The following SPANXN4 variants were observed in gnomAD, a reference collection of about 807,000 sequenced individuals.
SPANXN4 encodes the protein SPANX family member N4.
A neutral mutation model predicts 6.0 loss-of-function variants in SPANXN4; 5 were observed. That is an observed-to-expected ratio of 0.83 (90% CI 0.44 to 1.75). The LOEUF is 1.75. SPANXN4 is among the 40% of genes most tolerant of loss of function. SPANXN4 has a pLI of 0.02. For synonymous variants in SPANXN4, 45 were observed against 38.0 expected (o/e 1.19, Z -0.68); for missense variants, 157 against 108.6 (o/e 1.45, Z -1.98).
intron 1 of SPANXN4, among the ~76,000 whole-genome samples, chrX:143,026,768 C>G (rs1049518930): frequency 9.0e-6 from 1 of 110,515 alleles, no homozygotes; most frequent in African/African-American, 3.3e-5. Context: ...GGGAGTTTAG[C>G]TTTAGGGAGA....
chrX:143,037,657 A>G (rs1034150345), downstream of SPANXN4, among the ~76,000 whole-genome samples: 1 of 111,612 alleles, frequency 9.0e-6, no homozygotes. Flanking sequence ...CTCGTCTTGA[A>G]TTATAATTCC....
At chrX:143,032,866 A>C in intron 1 of SPANXN4, among the ~76,000 whole-genome samples, 1 of 110,837 alleles carries the variant, frequency 9.0e-6, no homozygotes, top group Non-Finnish European at 1.9e-5. Context: ...GTGACTACCC[A>C]ATTCCTCCCA....
At chrX:143,032,346 C>T (rs1309102138) in intron 1 of SPANXN4, among the ~76,000 whole-genome samples, 1 of 110,335 alleles carries the variant, frequency 9.1e-6, no homozygotes, top group East Asian at 2.9e-4. Flanking sequence ...GCCTGGTTTT[C>T]AGCACTAGGG....
At chrX:143,035,563 T>C (rs1043139627), downstream of SPANXN4, among the ~76,000 whole-genome samples, 17 of 111,234 alleles carry the variant, frequency 1.5e-4, no homozygotes, top group African/African-American at 4.9e-4. Context: ...GATTACATTT[T>C]CTTTCAAGTG....
rs1478056873 is a variant in SPANXN4, at chrX:143,026,077, A to C, written c.63A>C (p.Lys21Asn). The C allele has an allele frequency of 2.5e-6, 3 of 1,207,633 alleles. No individual in the cohort carries two copies. The East Asian group carries it at 8.9e-5, about 36-fold the overall frequency. ...TGAAGAGCCCCTGTGAATCTAACAAAAGAAAAGTTGACAAGGTCAGATTGT... is the reference window on the plus strand; with the variant it reads ...TGAAGAGCCCCTGTGAATCTAACAACAGAAAAGTTGACAAGGTCAGATTGT... The change falls in exon 1 of 3, where the codon AAA (lysine) becomes AAC (asparagine). Residue 21 changes from lysine (K) to asparagine (N), a missense_variant. Physicochemically the swap from Lys to Asn is moderately conservative, Grantham distance 94. Transcript: ENST00000370504.
intron 1 of SPANXN4, among the ~76,000 whole-genome samples, chrX:143,027,029 G>T (rs956520098): frequency 3.6e-4 from 40 of 112,034 alleles, no homozygotes; most frequent in African/African-American, 1.3e-3. Flanking sequence ...TGAAACACAA[G>T]GGTGCATGTT....
At chrX:143,033,605 C>G (rs760688327) in intron 1 of SPANXN4, among the ~76,000 whole-genome samples, 1 of 111,497 alleles carries the variant, frequency 9.0e-6, no homozygotes, top group Non-Finnish European at 1.9e-5. Context: ...ATAAGATATT[C>G]TTATGATCAG....
At chrX:143,034,372 G>A in intron 2 of SPANXN4, 61 bp downstream of exon 2, 3 of 1,043,788 alleles carry the variant, frequency 2.9e-6, no homozygotes, top group East Asian at 3.3e-5. Flanking sequence ...GGAAAAGATA[G>A]GCATTTGAGA....
exon 1 of SPANXN4, chrX:143,026,028 C>A (rs1391630881): frequency 8.3e-7 from 1 of 1,209,022 alleles, no homozygotes. Context: ...GAAGAGCCAA[C>A]TTCCAGCACC....
chrX:143,032,469 G>A (rs752830937), intron 1 of SPANXN4, among the ~76,000 whole-genome samples: 1 of 110,000 alleles, frequency 9.1e-6, no homozygotes, highest in East Asian at 2.9e-4. Flanking sequence ...GATGTTGGGA[G>A]GGGGACTGAG....
intron 1 of SPANXN4, among the ~76,000 whole-genome samples, chrX:143,033,257 C>T (rs765289825): frequency 3.6e-5 from 4 of 110,792 alleles, no homozygotes; most frequent in East Asian, 5.7e-4. Flanking sequence ...ATAAGGAGAA[C>T]GGGGCTGGGA....
intron 1 of SPANXN4, among the ~76,000 whole-genome samples, chrX:143,033,705 G>A (rs1290071859): frequency 8.9e-6 from 1 of 111,933 alleles, no homozygotes; most frequent in Non-Finnish European, 1.9e-5. Context: ...TCTTAGTTGG[G>A]CCTTTGTCCA....
downstream of SPANXN4, among the ~76,000 whole-genome samples, chrX:143,037,134 G>A (rs945507823): frequency 1.8e-5 from 2 of 110,405 alleles, no homozygotes; most frequent in Non-Finnish European, 3.8e-5. Flanking sequence ...CACATTCAAG[G>A]TACTCTTTTT....
downstream of SPANXN4, among the ~76,000 whole-genome samples, chrX:143,035,547 C>T (rs1211834395): frequency 1.8e-5 from 2 of 110,064 alleles, no homozygotes; most frequent in African/African-American, 6.6e-5. Context: ...TTAATTTATA[C>T]CTTAGGATTA....
At position 143,034,368 on chromosome X, in the gene SPANXN4, G is replaced by T. The variant is rs1057045087; in HGVS notation, c.283+136G>T. On this transcript the variant is annotated intron_variant, in intron 2 of 2. Coordinates refer to ENST00000370504, the Ensembl canonical transcript of SPANXN4. ...TGGTGGGGAGGAAGGGAAGGGAAAAGATAGGCATTTGAGAACGGAGGGATA... is the reference window on the plus strand; with the variant it reads ...TGGTGGGGAGGAAGGGAAGGGAAAATATAGGCATTTGAGAACGGAGGGATA... 43 of 1,041,259 alleles carry T rather than the reference G, an allele frequency of 4.1e-5. No individual in the cohort carries two copies. In the Middle Eastern group the frequency reaches 1.5e-3, roughly 36 times the overall value. 85.8% of individuals were successfully genotyped at this position (1,041,259 alleles called of 1,213,427 possible). A position where few individuals can be genotyped will look rare whatever the true frequency, so the allele number is the denominator to read the frequency against.
Position 143,026,098 on chromosome X carries a change from A to G in SPANXN4, c.78+6A>G. ...ACAAAAGAAAAGTTGACAAGGTCAGATTGTTAGGTTTTGAAGGGAAGGTGA... is the reference window on the plus strand; with the variant it reads ...ACAAAAGAAAAGTTGACAAGGTCAGGTTGTTAGGTTTTGAAGGGAAGGTGA... On this transcript the variant is annotated splice_donor_region_variant and intron_variant, in intron 1 of 2. Coordinates refer to ENST00000370504, the Ensembl canonical transcript of SPANXN4. 2 of 1,201,394 alleles carry G rather than the reference A, an allele frequency of 1.7e-6. No individual in the cohort carries two copies. The highest frequency in any genetic ancestry group is 2.2e-6 in the Non-Finnish European group (2 of 889,576).
chrX:143,026,189 T>A, intron 1 of SPANXN4, 97 bp downstream of exon 1: 1 of 723,879 alleles, frequency 1.4e-6, no homozygotes, highest in Non-Finnish European at 2.0e-6. Flanking sequence ...TGCAGACACC[T>A]GCAGAAATGT....
At chrX:143,035,808 T>C (rs1932841059), downstream of SPANXN4, among the ~76,000 whole-genome samples, 1 of 109,613 alleles carries the variant, frequency 9.1e-6, no homozygotes, top group Non-Finnish European at 1.9e-5. Flanking sequence ...TAAAATCTAC[T>C]TATTTAAAAA....
downstream of SPANXN4, among the ~76,000 whole-genome samples, chrX:143,038,545 T>G (rs748863448): frequency 1.8e-5 from 2 of 111,729 alleles, no homozygotes; most frequent in African/African-American, 6.5e-5. Context: ...ATAATTATCA[T>G]TCTCAAACAT....
Sources: allele counts gnomAD v4.1 joint callset (sites outside exome capture counted in the v4.1 genomes callset), GRCh38; gene constraint gnomAD v4.1.1; transcripts MANE v1.5; gene names NCBI Gene and HGNC (gene_info 2026-07-23, HGNC 2026-07-21).